Variants in DAB1 observed in about 807,000 individuals in gnomAD.
DAB1 encodes the protein DAB adaptor protein 1.
Under a neutral mutation model 64.6 loss-of-function variants are expected in DAB1, and 15 were observed. The ratio of observed to expected loss-of-function variants is 0.23; its 90% confidence interval spans 0.16 to 0.36. DAB1 has a LOEUF of 0.36. Ranked by LOEUF, DAB1 falls within the 10% of genes least tolerant of loss-of-function variation. DAB1 has a pLI of 1.00. For missense variants in DAB1, 596 were observed against 706.7 expected, an observed-to-expected ratio of 0.84 and a Z score of 1.78; for synonymous variants, 235 against 251.9, an observed-to-expected ratio of 0.93 and a Z score of 0.64.
chr1:58,376,809 A>G (rs1455786509), intron 3 of DAB1, among the ~76,000 whole-genome samples: 1 of 104,182 alleles, frequency 9.6e-6, no homozygotes, highest in Non-Finnish European at 2.0e-5. Context: ...AATGTGTGGG[A>G]GTCTAAGTCT....
chr1:57,651,669 A>C (rs11207086), intron 6 of DAB1, among the ~76,000 whole-genome samples: 66,433 of 150,920 alleles, frequency 0.44, 16,587 homozygotes, highest in East Asian at 0.68. Flanking sequence ...AACAAACAAA[A>C]AAAAAATGAC....
intron 1 of DAB1, among the ~76,000 whole-genome samples, chr1:57,384,130 C>G (rs12136107): frequency 0.27 from 40,438 of 152,096 alleles, 5,681 homozygotes; most frequent in Non-Finnish European, 0.31. Flanking sequence ...TGCCAACAAG[C>G]ATTTGAAAAG....
At chr1:58,232,554 G>A (rs1267335725) in intron 4 of DAB1, among the ~76,000 whole-genome samples, 1 of 151,782 alleles carries the variant, frequency 6.6e-6, no homozygotes, top group East Asian at 1.9e-4. Context: ...GCCTAGCACT[G>A]TGCCTGAAAC....
At chr1:57,418,182 A>T (rs749604511) in intron 1 of DAB1, among the ~76,000 whole-genome samples, 10 of 152,222 alleles carry the variant, frequency 6.6e-5, no homozygotes, top group Non-Finnish European at 1.0e-4. Context: ...TTGAATGGAC[A>T]TAGAAGTGAT....
chr1:57,509,648 C>A (rs2101344413), intron 7 of DAB1, among the ~76,000 whole-genome samples: 1 of 152,216 alleles, frequency 6.6e-6, no homozygotes, highest in South Asian at 2.1e-4. Flanking sequence ...TTCTATAAAA[C>A]CATCCTCAAC....
intron 2 of DAB1, among the ~76,000 whole-genome samples, chr1:57,269,989 G>A (rs973121499): frequency 1.3e-5 from 2 of 152,176 alleles, no homozygotes; most frequent in African/African-American, 4.8e-5. Context: ...CTAGGTGAAC[G>A]TCTGACAATA....
At chr1:58,156,106 T>C (rs1019059283) in intron 4 of DAB1, among the ~76,000 whole-genome samples, 2 of 152,194 alleles carry the variant, frequency 1.3e-5, no homozygotes, top group African/African-American at 4.8e-5. Flanking sequence ...ATCAACAGTG[T>C]TTTGGAGATT....
At chr1:58,368,999 T>A (rs918733249) in intron 3 of DAB1, among the ~76,000 whole-genome samples, 1 of 152,148 alleles carries the variant, frequency 6.6e-6, no homozygotes, top group East Asian at 1.9e-4. Context: ...CCAGCCTAGA[T>A]GGAACCTTGT....
intron 7 of DAB1, among the ~76,000 whole-genome samples, chr1:57,549,937 G>C (rs556411581): frequency 2.0e-5 from 3 of 152,246 alleles, no homozygotes; most frequent in South Asian, 2.1e-4. Flanking sequence ...GTGGGCAAAG[G>C]CATCTTTTGT....
chr1:58,312,613 G>A (rs1033260555), intron 4 of DAB1, among the ~76,000 whole-genome samples: 4 of 152,188 alleles, frequency 2.6e-5, no homozygotes, highest in African/African-American at 9.6e-5. Context: ...AAACTTATAA[G>A]TGTGAGAGTC....
At chr1:57,113,507 G>T (rs1307635413) in intron 4 of DAB1, among the ~76,000 whole-genome samples, 1 of 152,158 alleles carries the variant, frequency 6.6e-6, no homozygotes, top group Non-Finnish European at 1.5e-5. Flanking sequence ...TGCTTCTGTG[G>T]CAACAACTCA....
intron 5 of DAB1, among the ~76,000 whole-genome samples, chr1:58,130,455 A>G (rs1003518895): frequency 1.3e-5 from 2 of 152,084 alleles, no homozygotes; most frequent in African/African-American, 4.8e-5. Flanking sequence ...TAGTCCATTT[A>G]CAATTAAAAT....
At chr1:57,277,295 C>T (rs1483181571) in intron 2 of DAB1, among the ~76,000 whole-genome samples, 3 of 152,158 alleles carry the variant, frequency 2.0e-5, no homozygotes, top group African/African-American at 7.2e-5. Flanking sequence ...ATCTCTATGA[C>T]TCTATTCATA....
intron 7 of DAB1, among the ~76,000 whole-genome samples, chr1:57,570,672 C>T (rs1033687530): frequency 6.6e-5 from 10 of 151,888 alleles, no homozygotes; most frequent in East Asian, 3.9e-4. Flanking sequence ...TTTTTAATTC[C>T]ATATGAATTT....
chr1:57,571,642 C>T lies in DAB1; in HGVS notation n.625+77950G>A, dbSNP rs554522229. On this transcript the variant is annotated intron_variant and non_coding_transcript_variant, in intron 7 of 20. Transcript: ENST00000485760. ...GAATGTTGGGCTAGAAGAAGACAAA[C>T]GACCATCTGTTCCTAATTTTTCAGG... Among the ~76,000 whole-genome samples the T allele has an allele frequency of 5.3e-5, 8 of 152,282 alleles. No homozygotes were observed. In the East Asian group the frequency reaches 1.4e-3, roughly 26 times the overall value.
At chr1:57,877,722 G>A (rs1347287974) in intron 1 of DAB1, among the ~76,000 whole-genome samples, 1 of 82,144 alleles carries the variant, frequency 1.2e-5, no homozygotes, top group African/African-American at 5.3e-5. Flanking sequence ...CACCGCGCCC[G>A]GCTAATTTTT....
At chr1:57,622,836 G>A (rs1011495790) in intron 7 of DAB1, among the ~76,000 whole-genome samples, 152 of 152,268 alleles carry the variant, frequency 1.0e-3, no homozygotes, top group African/African-American at 3.6e-3. Flanking sequence ...GCACTTCCTA[G>A]TCATTTGTCT....
chr1:58,330,196 G>T (rs1260357160), intron 4 of DAB1, among the ~76,000 whole-genome samples: 1 of 152,184 alleles, frequency 6.6e-6, no homozygotes, highest in African/African-American at 2.4e-5. Flanking sequence ...TATAGAGAAA[G>T]TTTTAGTGGT....
chr1:58,229,499 TCA>T (rs926512882), intron 4 of DAB1, among the ~76,000 whole-genome samples: 3 of 152,056 alleles, frequency 2.0e-5, no homozygotes, highest in Non-Finnish European at 4.4e-5. Flanking sequence ...CTCAAGGACC[TCA>T]CAGAGTGATA....
Sources: allele counts gnomAD v4.1 joint callset (sites outside exome capture counted in the v4.1 genomes callset), GRCh38; gene constraint gnomAD v4.1.1; transcripts MANE v1.5; gene names NCBI Gene and HGNC (gene_info 2026-07-23, HGNC 2026-07-21).